Variants in SOX5 observed in about 807,000 individuals in gnomAD.
The protein encoded by SOX5 is transcription factor SOX-5.
A neutral mutation model predicts 92.0 loss-of-function variants in SOX5; 9 were observed. The observed-to-expected ratio is 0.10, with a 90% CI of 0.06 to 0.17. The LOEUF (loss-of-function observed/expected upper bound fraction) is 0.17, where lower values mean the gene tolerates loss of function less well. SOX5 is among the 10% of genes least tolerant of loss of function. The probability of loss-of-function intolerance (pLI) is 1.00; values close to 1 mark genes in which losing one functional copy is unlikely to be tolerated. For synonymous variants in SOX5, 344 were observed against 336.3 expected, an observed-to-expected ratio of 1.02 and a Z score of -0.25; for missense variants, 642 against 944.5, an observed-to-expected ratio of 0.68 and a Z score of 4.20.
At chr12:23,667,817 A>G (rs1422665465) in intron 6 of SOX5, among the ~76,000 whole-genome samples, 2 of 152,148 alleles carry the variant, frequency 1.3e-5, no homozygotes, top group Non-Finnish European at 1.5e-5. Context: ...TGTACTATTA[A>G]TAAAAAGAAT....
intron 4 of SOX5, among the ~76,000 whole-genome samples, chr12:24,163,405 C>T (rs547086637): frequency 1.3e-5 from 2 of 152,056 alleles, no homozygotes; most frequent in Non-Finnish European, 2.9e-5. Context: ...TGGTGCCAGA[C>T]CTATTTGAAG....
At position 23,962,268 on chromosome 12, in the gene SOX5, G is replaced by C. The variant is rs4325391; in HGVS notation, c.-1-66244C>G. On this transcript the variant is annotated intron_variant, in intron 4 of 4. Transcript: ENST00000446891. ...AGCCATTAATTTGGACAATTAGATA[G>C]TCAGTGGTGACAGACTCTTAAAAGA... 0.015 allele frequency among the ~76,000 whole-genome samples: 343 copies of C among 23,412 alleles called. 2 individuals are homozygous for C. The East Asian group carries it at 0.19, about 13-fold the overall frequency. The allele number at this position is 23,412 out of a possible 152,430, so 15.4% of individuals were successfully genotyped here.
intron 2 of SOX5, among the ~76,000 whole-genome samples, chr12:24,291,668 A>T (rs1381557496): frequency 6.6e-6 from 1 of 152,260 alleles, no homozygotes; most frequent in Admixed American, 6.5e-5. Context: ...CTAATATAGT[A>T]TGTTCATATA....
intron 1 of SOX5, among the ~76,000 whole-genome samples, chr12:24,503,677 T>C (rs904311776): frequency 3.3e-5 from 5 of 152,108 alleles, no homozygotes; most frequent in Admixed American, 2.6e-4. Flanking sequence ...CCTTTGCAGG[T>C]ACATGAATGA....
intron 1 of SOX5, among the ~76,000 whole-genome samples, chr12:24,407,306 C>T (rs1016701647): frequency 2.0e-5 from 3 of 152,090 alleles, no homozygotes; most frequent in African/African-American, 4.8e-5. Flanking sequence ...AGATGACAGC[C>T]AAAGAACTGG....
intron 4 of SOX5, among the ~76,000 whole-genome samples, chr12:24,072,999 T>C (rs1489120795): frequency 6.6e-6 from 1 of 152,168 alleles, no homozygotes; most frequent in Non-Finnish European, 1.5e-5. Context: ...TATCCTAAAA[T>C]GGATACCTCA....
intron 4 of SOX5, among the ~76,000 whole-genome samples, chr12:24,130,621 A>G (rs77972671): frequency 0.012 from 1,796 of 152,336 alleles, 19 homozygotes; most frequent in South Asian, 0.037. Flanking sequence ...ATAGACATAG[A>G]AGACAAAGAG....
chr12:23,775,015 T>G (rs1315550517), intron 3 of SOX5, among the ~76,000 whole-genome samples: 1 of 152,146 alleles, frequency 6.6e-6, no homozygotes, highest in African/African-American at 2.4e-5. Flanking sequence ...AAGCAGACTC[T>G]GCATTTGTAA....
At position 24,257,213 on chromosome 12, in the gene SOX5, A is replaced by G. The variant is rs180837339; in HGVS notation, c.-77+20003T>C. On this transcript the variant is annotated intron_variant, in intron 3 of 4. Transcript: ENST00000446891. ...GTCAGAGAAAGGCCTTAGGAAAAAC[A>G]TAATTTCCTAATTATCATTGCTAAA... 4.3e-3 allele frequency among the ~76,000 whole-genome samples: 656 copies of G among 152,310 alleles called. 2 individuals carry two copies. Among genetic ancestry groups the G allele is most frequent in the Non-Finnish European group, 4.9e-3 (332 of 68,012 alleles).
chr12:24,467,518 A>T (rs1343262295), intron 1 of SOX5, among the ~76,000 whole-genome samples: 1 of 149,972 alleles, frequency 6.7e-6, no homozygotes, highest in Non-Finnish European at 1.5e-5. Context: ...AAATGCATGG[A>T]AGCAGAGAAA....
At chr12:24,436,385 A>T (rs1476116312) in intron 1 of SOX5, among the ~76,000 whole-genome samples, 2 of 152,252 alleles carry the variant, frequency 1.3e-5, no homozygotes, top group African/African-American at 4.8e-5. Flanking sequence ...TCTGACTGAT[A>T]AGGAGAAAGT....
At chr12:24,525,104 G>T (rs768325412) in intron 1 of SOX5, among the ~76,000 whole-genome samples, 1 of 152,264 alleles carries the variant, frequency 6.6e-6, no homozygotes, top group Non-Finnish European at 1.5e-5. Flanking sequence ...TCACATGTTC[G>T]CTGTGGTACT....
At chr12:24,037,773 T>C (rs780392970) in intron 4 of SOX5, among the ~76,000 whole-genome samples, 4 of 152,218 alleles carry the variant, frequency 2.6e-5, no homozygotes, top group Non-Finnish European at 4.4e-5. Context: ...TCATTTTTAC[T>C]AAAATATTTG....
At chr12:24,016,027 T>C (rs191451074) in intron 4 of SOX5, among the ~76,000 whole-genome samples, 1 of 151,978 alleles carries the variant, frequency 6.6e-6, no homozygotes, top group East Asian at 1.9e-4. Context: ...GAACAGAGCA[T>C]GAGGAAGAAA....
At chr12:23,909,519 C>G (rs548634435) in intron 1 of SOX5, among the ~76,000 whole-genome samples, 3 of 152,062 alleles carry the variant, frequency 2.0e-5, no homozygotes, top group African/African-American at 7.2e-5. Flanking sequence ...AAAAGAAAAA[C>G]TTAATCAAAT....
chr12:23,626,901 T>C (rs1415238230), intron 8 of SOX5, among the ~76,000 whole-genome samples: 2 of 152,054 alleles, frequency 1.3e-5, no homozygotes, highest in Non-Finnish European at 2.9e-5. Flanking sequence ...GCAATGACCT[T>C]AAGCAGTAGG....
chr12:24,393,472 T>A lies in SOX5; in HGVS notation c.-250-24833A>T, dbSNP rs954504084. ...TGGAGGATAATCAGCTTTAGGGTCA[T>A]CTGTACTGAGTCTACCACCCACCCC... On this transcript the variant is annotated intron_variant, in intron 1 of 4. Transcript: ENST00000446891. The surrounding 1 kb of genome is among the most constrained non-coding windows in gnomAD (Gnocchi z 5.0). Among the ~76,000 whole-genome samples the A allele has an allele frequency of 3.3e-5, 5 of 152,182 alleles. No homozygotes were observed. The highest frequency in any genetic ancestry group is 4.4e-5 in the Non-Finnish European group (3 of 68,038).
chr12:23,919,092 T>C (rs1254376635), intron 1 of SOX5, among the ~76,000 whole-genome samples: 1 of 152,084 alleles, frequency 6.6e-6, no homozygotes, highest in African/African-American at 2.4e-5. Context: ...GTAATGAAGA[T>C]GACTGAGCAA....
chr12:24,049,966 T>C (rs1375143562), intron 4 of SOX5, among the ~76,000 whole-genome samples: 1 of 151,398 alleles, frequency 6.6e-6, no homozygotes, highest in Non-Finnish European at 1.5e-5. Context: ...TACTATCTGC[T>C]GGATAACTAA....
Sources: gnomAD v4.1 joint callset for allele counts (sites outside exome capture counted in the v4.1 genomes callset) on GRCh38, gnomAD v4.1.1 for gene constraint, Gnocchi (gnomAD v3.1) non-coding constraint, MANE v1.5 for transcripts, NCBI Gene and HGNC (gene_info 2026-07-23, HGNC 2026-07-21) for gene names.